The following PTK6 variants were observed in gnomAD, a reference collection of about 807,000 sequenced individuals.
PTK6 encodes the protein protein-tyrosine kinase 6.
A neutral mutation model predicts 47.5 loss-of-function variants in PTK6; 47 were observed. That is an observed-to-expected ratio of 0.99 (90% CI 0.78 to 1.26). PTK6 has a LOEUF of 1.26. Ranked by LOEUF, PTK6 falls within the 50% of genes most tolerant of loss-of-function variation. PTK6 has a pLI of 0.00. For synonymous variants in PTK6, 287 were observed against 276.5 expected (o/e 1.04, Z -0.38); for missense variants, 618 against 625.3 (o/e 0.99, Z 0.12).
chr20:63,534,178 G>C lies in PTK6; in HGVS notation c.490C>G (p.Leu164Val). ...YHRAQSLSHG[L>V]RLAAPCRKHE... ...TTCCGGCAGGGCGCGGCCAGCCGCA[G>C]GCCGTGGGACAGGCTCTGGGCCCTG... The change falls in exon 3 of 8, where the codon CTG becomes GTG. Residue 164 changes from leucine (L) to valine (V), a missense_variant. Transcript: ENST00000542869. The C allele has an allele frequency of 1.3e-6, 2 of 1,562,686 alleles. No homozygotes were observed. Among genetic ancestry groups the C allele is most frequent in the Non-Finnish European group, 1.7e-6 (2 of 1,154,824 alleles).
chr20:63,533,054 T>TTTTC lies in PTK6; in HGVS notation c.671-371_671-368dup, dbSNP rs529971650. 2.6e-3 allele frequency among the ~76,000 whole-genome samples: 390 copies of TTTTC among 151,684 alleles called. 3 individuals carry two copies. Among genetic ancestry groups the TTTTC allele is most frequent in the South Asian group, 0.016 (78 of 4,814 alleles). ...TTTCCATTACGTCAAGGATTTTAAA[T>TTTTC]TTTCTTTCTTTCTTTCTTTTTTTTT... On this transcript the variant is annotated intron_variant, in intron 4 of 7. Coordinates refer to ENST00000542869, the MANE Select transcript of PTK6 (RefSeq NM_005975.4). The surrounding 1 kb of genome is among the most constrained non-coding windows in gnomAD (Gnocchi z 4.0).
chr20:63,530,165 G>T lies in PTK6; in HGVS notation c.1081C>A (p.Arg361=). 1.2e-6 allele frequency: 2 copies of T among 1,614,074 alleles called. No homozygotes were observed. The highest frequency in any genetic ancestry group is 1.7e-6 in the Non-Finnish European group (2 of 1,179,958). Residue 361 remains arginine (R), a synonymous_variant, in exon 7 of 8, where the codon CGA becomes AGA. Coordinates refer to ENST00000542869, the MANE Select transcript of PTK6 (RefSeq NM_005975.4). The surrounding 1 kb of genome is among the most constrained non-coding windows in gnomAD (Gnocchi z 4.1). ...YKWTAPEALS[R]GHYSTKSDVW... ...TCGGATTTGGTGGAGTAATGGCCTC[G>T]GGAGAGCGCTTCAGGGGCCGTCCAC...
At chr20:63,534,124 C>A (rs771611986) in intron 3 of PTK6, 28 bp downstream of exon 3, 2 of 1,519,026 alleles carry the variant, frequency 1.3e-6, no homozygotes, top group Admixed American at 2.1e-5. Flanking sequence ...CCTGACCCCG[C>A]GTGACCAAGT....
chr20:63,534,905 A>G (rs763027079), intron 2 of PTK6, 33 bp downstream of exon 2: 7 of 1,569,472 alleles, frequency 4.5e-6, no homozygotes, highest in Non-Finnish European at 8.7e-7. Flanking sequence ...GAGCCCCCGC[A>G]GGCAAGCACA....
In PTK6 at chr20:63,530,030, T is replaced by A. The variant is rs764082848; in HGVS notation, c.1168+48A>T. On this transcript the variant is annotated intron_variant, in intron 7 of 7. Transcript: ENST00000542869. This position sits in a 1 kb window ranked among gnomAD's most constrained non-coding sequence, Gnocchi z 4.1. ...GCGTCCCTGCCGGCTACCCAGGACC[T>A]CCCCCACTCTGCCTCTCATGCCCAG... 5.6e-6 allele frequency: 9 copies of A among 1,603,000 alleles called. No homozygotes were observed. The East Asian group carries it at 2.0e-4, about 36-fold the overall frequency.
intron 1 of PTK6, among the ~76,000 whole-genome samples, chr20:63,535,718 A>C (rs1215613642): frequency 6.9e-6 from 1 of 144,000 alleles, no homozygotes; most frequent in Admixed American, 6.9e-5. Context: ...ACTTCCGCAC[A>C]CCTGGAAGCA....
chr20:63,533,059 T>C lies in PTK6; in HGVS notation c.671-372A>G, dbSNP rs2082637275. ...ATTACGTCAAGGATTTTAAATTTTC[T>C]TTCTTTCTTTCTTTTTTTTTTTTCC... On this transcript the variant is annotated intron_variant, in intron 4 of 7. Coordinates refer to ENST00000542869, the MANE Select transcript of PTK6 (RefSeq NM_005975.4). This position sits in a 1 kb window ranked among gnomAD's most constrained non-coding sequence, Gnocchi z 4.0. 6.7e-6 allele frequency among the ~76,000 whole-genome samples: 1 copy of C among 150,004 alleles called. No individual in the cohort carries two copies. Among genetic ancestry groups the C allele is most frequent in the African/African-American group, 2.5e-5 (1 of 39,418 alleles).
chr20:63,532,760 C>A, intron 4 of PTK6, 73 bp from the exon 5 acceptor site: 1 of 1,540,358 alleles, frequency 6.5e-7, no homozygotes, highest in Non-Finnish European at 8.8e-7. Flanking sequence ...CAAGGCCCTG[C>A]CCCCACACAC....
Position 63,535,039 on chromosome 20 carries a change from G to A in PTK6, c.251C>T (p.Ser84Phe). 6.2e-7 allele frequency: 1 copy of A among 1,603,318 alleles called. No individual in the cohort carries two copies. Among genetic ancestry groups the A allele is most frequent in the South Asian group, 1.1e-5 (1 of 90,718 alleles). ...CAGCCGACGCACAGCTTCCGAGCGG[G>A]AGATGCAGCCAAAGAACCACCTGCA... The part of the protein sequence containing the change: ...ESEPWFFGCI[S>F]RSEAVRRLQA... Residue 84 changes from serine (S) to phenylalanine (F), a missense_variant, in exon 2 of 8, where the codon TCC becomes TTC. Physicochemically the swap from Ser to Phe is radical, Grantham distance 155 (BLOSUM62 -2). Transcript: ENST00000542869.
rs920051921 is a variant in PTK6 at position 63,537,285 on chromosome 20, G to T, written c.30C>A (p.Gly10=). Residue 10 remains glycine (G), a synonymous_variant, in exon 1 of 8, where the codon GGC becomes GGA. Coordinates refer to ENST00000542869, the MANE Select transcript of PTK6 (RefSeq NM_005975.4). Reference sequence around the variant, plus strand: ...AGTCCCAGAGGCCCACATACTTGGGGCCCAGGTGAGCCTGGTCCCGGGACA... The same window carrying T: ...AGTCCCAGAGGCCCACATACTTGGGTCCCAGGTGAGCCTGGTCCCGGGACA... The part of the protein sequence containing the change: MVSRDQAHL[G]PKYVGLWDFK... The T allele has an allele frequency of 1.2e-6, 2 of 1,611,838 alleles. No individual in the cohort carries two copies. The highest frequency in any genetic ancestry group is 1.3e-5 in the African/African-American group (1 of 75,054).
chr20:63,536,720 T>C (rs2082671586), intron 1 of PTK6, among the ~76,000 whole-genome samples: 2 of 152,164 alleles, frequency 1.3e-5, no homozygotes, highest in African/African-American at 4.8e-5. Context: ...CCTGGAACGC[T>C]CCGACAGACC....
In PTK6 at chr20:63,530,659, C is replaced by T. The variant is rs923029810; in HGVS notation, c.1014+87G>A. 8 of 1,472,444 alleles carry T rather than the reference C, an allele frequency of 5.4e-6. No homozygotes were observed. Among genetic ancestry groups the T allele is most frequent in the Admixed American group, 4.6e-5 (2 of 43,738 alleles). 91.2% of individuals were successfully genotyped at this position (1,472,444 alleles called of 1,614,324 possible). On this transcript the variant is annotated intron_variant, in intron 6 of 7. Coordinates refer to ENST00000542869, the MANE Select transcript of PTK6 (RefSeq NM_005975.4). The surrounding 1 kb of genome is among the most constrained non-coding windows in gnomAD (Gnocchi z 4.1). ...GCAGGGGCCGCATCCTGCTCCCAGC[C>T]GAGTCCCCAGCTCCACACACAGGAA...
In PTK6 at chr20:63,535,062, G is replaced by T. The variant is rs2082654156; in HGVS notation, c.231-3C>A. 1 of 1,594,422 alleles carries T rather than the reference G, an allele frequency of 6.3e-7. No individual in the cohort carries two copies. Among genetic ancestry groups the T allele is most frequent in the Admixed American group, 1.7e-5 (1 of 59,390 alleles). On this transcript the variant is annotated splice_polypyrimidine_tract_variant and splice_region_variant and intron_variant, in intron 1 of 7. Transcript: ENST00000542869. Reference sequence around the variant, plus strand: ...GGGAGATGCAGCCAAAGAACCACCTGCAGGGGAGGAGTCTGAGAACACGCG... The same window carrying T: ...GGGAGATGCAGCCAAAGAACCACCTTCAGGGGAGGAGTCTGAGAACACGCG...
chr20:63,530,050 G>T lies in PTK6; in HGVS notation c.1168+28C>A. The T allele has an allele frequency of 6.2e-7, 1 of 1,611,824 alleles. No homozygotes were observed. The highest frequency in any genetic ancestry group is 8.5e-7 in the Non-Finnish European group (1 of 1,179,116). ...GGACCTCCCCCACTCTGCCTCTCAT[G>T]CCCAGTCAGGGACAGTGGGGACAGT... On this transcript the variant is annotated intron_variant, in intron 7 of 7. Transcript: ENST00000542869. The surrounding 1 kb of genome is among the most constrained non-coding windows in gnomAD (Gnocchi z 4.1).
In PTK6 at chr20:63,533,849, G is replaced by T; in HGVS notation, c.517-145C>A. 1 of 1,226,644 alleles carries T rather than the reference G, an allele frequency of 8.2e-7. No individual in the cohort carries two copies. Among genetic ancestry groups the T allele is most frequent in the Non-Finnish European group, 1.1e-6 (1 of 903,920 alleles). The allele number at this position is 1,226,644 out of a possible 1,614,324, so 76.0% of individuals were successfully genotyped here. A position where few individuals can be genotyped will look rare whatever the true frequency, so the allele number is the denominator to read the frequency against. ...GGGTTTCTGAGTGTCTGACACAAGG[G>T]TGGACTCTCCTGGGGGCTGCCCCCA... is the stretch of plus-strand genomic sequence containing the variant. On this transcript the variant is annotated intron_variant, in intron 3 of 7. Transcript: ENST00000542869. This position sits in a 1 kb window ranked among gnomAD's most constrained non-coding sequence, Gnocchi z 4.0.
rs74927664 is a variant in PTK6, at chr20:63,532,510, G to A, written c.832+16C>T. ...CCCCGCTGCCTCCAGCAAGAGCCCC[G>A]GCCCATGCCACTCACCGCGGAGCAG... is the stretch of plus-strand genomic sequence containing the variant. On this transcript the variant is annotated intron_variant, in intron 5 of 7. Coordinates refer to ENST00000542869, the MANE Select transcript of PTK6 (RefSeq NM_005975.4). The A allele has an allele frequency of 0.026, 41,280 of 1,596,800 alleles. 641 individuals are homozygous for A. The highest frequency in any genetic ancestry group is 0.043 in the African/African-American group (3,217 of 74,378).
chr20:63,534,345 A>C (rs1362386694), intron 2 of PTK6, 30 bp from the exon 3 acceptor site: 3 of 1,563,636 alleles, frequency 1.9e-6, no homozygotes, highest in Non-Finnish European at 2.6e-6. Context: ...CTGTGTGGCC[A>C]CCCCAACTCC....
chr20:63,529,606 T>C lies in PTK6; in HGVS notation c.1286A>G (p.Glu429Gly), dbSNP rs902422650. ...LMLTCWCRDPEQRPCFKALRE... is the reference protein window; with the variant it reads ...LMLTCWCRDPGQRPCFKALRE... ...CAGGGCCTTGAAGCAGGGTCTCTGC[T>C]CGGGGTCCCTGCACCAGCATGTCAG... Residue 429 changes from glutamate to glycine, a missense_variant, in exon 8 of 8, where the codon GAG (glutamate) becomes GGG (glycine). By Grantham distance (98) the Glu-to-Gly change is moderately conservative. Coordinates refer to ENST00000542869, the MANE Select transcript of PTK6 (RefSeq NM_005975.4). This position sits in a 1 kb window ranked among gnomAD's most constrained non-coding sequence, Gnocchi z 5.6. 2 of 1,561,130 alleles carry C rather than the reference T, an allele frequency of 1.3e-6. No individual in the cohort carries two copies. The highest frequency in any genetic ancestry group is 2.7e-5 in the African/African-American group (2 of 73,538).
At chr20:63,532,024 G>A (rs1483062427) in intron 5 of PTK6, among the ~76,000 whole-genome samples, 1 of 152,208 alleles carries the variant, frequency 6.6e-6, no homozygotes, top group African/African-American at 2.4e-5. Flanking sequence ...GCGCCTTCAC[G>A]CACGGGCATC....
Sources: gnomAD v4.1 joint callset for allele counts (sites outside exome capture counted in the v4.1 genomes callset) on GRCh38, gnomAD v4.1.1 for gene constraint, Gnocchi (gnomAD v3.1) non-coding constraint, MANE v1.5 for transcripts, NCBI Gene and HGNC (gene_info 2026-07-23, HGNC 2026-07-21) for gene names.